The following KLHL4 variants were observed in gnomAD, a reference collection of about 807,000 sequenced individuals.
The protein encoded by KLHL4 is kelch-like protein 4.
KLHL4 carries 17 observed loss-of-function variants against 45.8 expected under a neutral mutation model. The ratio of observed to expected loss-of-function variants is 0.37; its 90% CI spans 0.25 to 0.56. The LOEUF (loss-of-function observed/expected upper bound fraction) is 0.56. KLHL4 is among the 20% of genes least tolerant of loss of function. The pLI, the probability that KLHL4 is intolerant of heterozygous loss-of-function variation, is 0.79. For synonymous variants in KLHL4, 224 were observed against 189.9 expected, an observed-to-expected ratio of 1.18 and a Z score of -1.47; for missense variants, 544 against 544.9, an observed-to-expected ratio of 1.00 and a Z score of 0.02.
intron 1 of KLHL4, among the ~76,000 whole-genome samples, chrX:87,543,416 A>G (rs754806211): frequency 1.3e-4 from 15 of 111,353 alleles, no homozygotes; most frequent in South Asian, 3.8e-4. Flanking sequence ...AAGCACTCAC[A>G]ATACCTGCTT....
intron 1 of KLHL4, among the ~76,000 whole-genome samples, chrX:87,589,749 G>T (rs922735372): frequency 1.8e-5 from 2 of 111,409 alleles, no homozygotes; most frequent in Middle Eastern, 9.2e-3. Context: ...CCTACTGTTT[G>T]CTGGGCATGG....
intron 6 of KLHL4, among the ~76,000 whole-genome samples, chrX:87,626,427 T>A (rs1002451269): frequency 3.6e-5 from 4 of 111,061 alleles, no homozygotes; most frequent in Admixed American, 9.6e-5. Context: ...GAATATGCAT[T>A]TTTTTCATAA....
chrX:87,651,394 C>A (rs1923808001), intron 9 of KLHL4, among the ~76,000 whole-genome samples: 1 of 112,055 alleles, frequency 8.9e-6, no homozygotes, highest in Admixed American at 9.5e-5. Context: ...TCAGCATTAA[C>A]TCAAAAGTCC....
At position 87,527,814 on chromosome X, in the gene KLHL4, GAA is replaced by G. The variant is rs11354717; in HGVS notation, c.422+9513_422+9514del. Among the ~76,000 whole-genome samples, 485 of 83,031 alleles carry G rather than the reference GAA, an allele frequency of 5.8e-3. 1 individual carries two copies. The highest frequency in any genetic ancestry group is 0.02 in the African/African-American group (458 of 23,170). 72.1% of individuals were successfully genotyped at this position (83,031 alleles called of 115,157 possible). On this transcript the variant is annotated intron_variant, in intron 1 of 10. Coordinates refer to ENST00000373119, the MANE Select transcript of KLHL4 (RefSeq NM_019117.5). ...TCTGGGAAAGCTACTCACAAAATTG[GAA>G]AAAAAAAAAAAAACAATTGTTCTAC...
At chrX:87,519,701 G>A (rs1210249071) in intron 1 of KLHL4, among the ~76,000 whole-genome samples, 5 of 112,150 alleles carry the variant, frequency 4.5e-5, no homozygotes, top group Non-Finnish European at 7.5e-5. Context: ...GTAATATAGA[G>A]TCCATAATTT....
chrX:87,570,517 C>A (rs965475513), intron 1 of KLHL4, among the ~76,000 whole-genome samples: 2 of 110,262 alleles, frequency 1.8e-5, no homozygotes, highest in Admixed American at 1.9e-4. Context: ...TGAAAAGGAG[C>A]TGCTCTCAGT....
chrX:87,644,794 G>A (rs778588927), intron 9 of KLHL4, among the ~76,000 whole-genome samples: 1 of 111,384 alleles, frequency 9.0e-6, no homozygotes, highest in African/African-American at 3.3e-5. Context: ...AAAACATAAA[G>A]TGGGAAAAGA....
Position 87,541,490 on chromosome X carries a change from C to CAAAAA in KLHL4, c.422+23176_422+23177insAAAAA, listed in dbSNP as rs1491259195. 7.8e-5 allele frequency among the ~76,000 whole-genome samples: 5 copies of CAAAAA among 63,916 alleles called. 1 individual carries two copies. Among genetic ancestry groups the CAAAAA allele is most frequent in the Non-Finnish European group, 1.1e-4 (4 of 36,100 alleles). 55.5% of individuals were successfully genotyped at this position (63,916 alleles called of 115,157 possible). On this transcript the variant is annotated intron_variant, in intron 1 of 10. Coordinates refer to ENST00000373119, the MANE Select transcript of KLHL4 (RefSeq NM_019117.5). ...TGGGTGACAGAGAGAGACTCCATCT[C>CAAAAA]ACAAAAAAAAAAAAAAAAAAAAAAG...
chrX:87,541,820 G>A (rs1450628362), intron 1 of KLHL4, among the ~76,000 whole-genome samples: 5 of 111,432 alleles, frequency 4.5e-5, no homozygotes, highest in African/African-American at 1.3e-4. Context: ...ACAGTTTGGA[G>A]GGCTCAGAAA....
intron 1 of KLHL4, among the ~76,000 whole-genome samples, chrX:87,563,040 G>A (rs772801251): frequency 3.6e-5 from 4 of 111,300 alleles, no homozygotes; most frequent in South Asian, 7.7e-4. Flanking sequence ...GTGAGTCTGC[G>A]AGTCACAGTT....
At chrX:87,660,842 T>C in intron 9 of KLHL4, among the ~76,000 whole-genome samples, 1 of 112,302 alleles carries the variant, frequency 8.9e-6, no homozygotes, top group Non-Finnish European at 1.9e-5. Flanking sequence ...AGACTCTGTC[T>C]TTAAAAAACA....
intron 1 of KLHL4, among the ~76,000 whole-genome samples, chrX:87,571,534 GT>G (rs1313824837): frequency 9.0e-6 from 1 of 111,164 alleles, no homozygotes; most frequent in Non-Finnish European, 1.9e-5. Flanking sequence ...CCTCAGTATT[GT>G]GAAGAATTTG....
At chrX:87,539,441 G>T (rs1397285175) in intron 1 of KLHL4, among the ~76,000 whole-genome samples, 1 of 110,136 alleles carries the variant, frequency 9.1e-6, no homozygotes, top group African/African-American at 3.3e-5. Flanking sequence ...AATATTCTTG[G>T]TAAGTTTTTC....
chrX:87,655,105 G>C (rs760547725), intron 9 of KLHL4, among the ~76,000 whole-genome samples: 76 of 111,463 alleles, frequency 6.8e-4, no homozygotes, highest in Non-Finnish European at 1.2e-3. Flanking sequence ...AAGATTCTCT[G>C]TTCACGCTAT....
At chrX:87,527,282 T>G (rs761139194) in intron 1 of KLHL4, among the ~76,000 whole-genome samples, 84 of 111,777 alleles carry the variant, frequency 7.5e-4, no homozygotes, top group African/African-American at 2.5e-3. Context: ...TCGTAAGCTG[T>G]TGCATCATAG....
At position 87,622,368 on chromosome X, in the gene KLHL4, A is replaced by G. The variant is rs1254976569; in HGVS notation, c.1082A>G (p.Gln361Arg). The change falls in exon 5 of 11, where the codon CAA (glutamine) becomes CGA (arginine). Residue 361 changes from glutamine (Q) to arginine (R), a missense_variant. Gln to Arg is a conservative substitution (Grantham distance 43). Transcript: ENST00000373119. Reference sequence around the variant, plus strand: ...GTGGGGCATGATGTGCAGAATAGGCAAGGAGAACTGGGGATGCTGCTTTCT... The same window carrying G: ...GTGGGGCATGATGTGCAGAATAGGCGAGGAGAACTGGGGATGCTGCTTTCT... ...QWVGHDVQNR[Q>R]GELGMLLSYI... The G allele has an allele frequency of 2.5e-6, 3 of 1,207,630 alleles. No homozygotes were observed. The highest frequency in any genetic ancestry group is 2.2e-6 in the Non-Finnish European group (2 of 893,856).
At chrX:87,555,650 T>G (rs1931953299) in intron 1 of KLHL4, among the ~76,000 whole-genome samples, 1 of 106,690 alleles carries the variant, frequency 9.4e-6, no homozygotes, top group South Asian at 4.4e-4. Flanking sequence ...TCAATTTTGT[T>G]GATCCTTTCA....
intron 1 of KLHL4, among the ~76,000 whole-genome samples, chrX:87,595,253 C>T (rs1243389411): frequency 9.0e-6 from 1 of 110,924 alleles, no homozygotes; most frequent in Non-Finnish European, 1.9e-5. Context: ...ATACTTAGTG[C>T]TAAACTCATT....
At chrX:87,614,303 A>G (rs1440376593) in intron 2 of KLHL4, 131 bp from the exon 3 acceptor site, 2 of 660,664 alleles carry the variant, frequency 3.0e-6, no homozygotes, top group Admixed American at 6.6e-5. Flanking sequence ...ACTTCACTAC[A>G]TTTAACTGAA....
Sources: gnomAD v4.1 joint callset for allele counts (sites outside exome capture counted in the v4.1 genomes callset) on GRCh38, gnomAD v4.1.1 for gene constraint, MANE v1.5 for transcripts, NCBI Gene and HGNC (gene_info 2026-07-23, HGNC 2026-07-21) for gene names.